The following LYZL4 variants were observed in gnomAD, a reference collection of about 807,000 sequenced individuals.
The protein encoded by LYZL4 is lysozyme like 4, also known as lysozyme-like protein 4.
A neutral mutation model predicts 17.6 loss-of-function variants in LYZL4; 13 were observed. The ratio of observed to expected loss-of-function variants is 0.74; its 90% CI spans 0.48 to 1.18. The LOEUF is 1.18. Ranked by LOEUF, LYZL4 falls within the 50% of genes most tolerant of loss-of-function variation. LYZL4 has a pLI of 0.00. For synonymous variants in LYZL4, 64 were observed against 67.7 expected (o/e 0.95, Z 0.27); for missense variants, 174 against 188.2 (o/e 0.92, Z 0.44).
At chr3:42,374,358 T>G in the LYZL4 span, among the ~76,000 whole-genome samples, 2 of 152,246 alleles carry the variant, frequency 1.3e-5, no homozygotes, top group Non-Finnish European at 2.9e-5. Context: ...GGTGACATAG[T>G]TGAAATGGAT....
downstream of LYZL4, among the ~76,000 whole-genome samples, chr3:42,392,305 G>T (rs1406253754): frequency 1.3e-5 from 2 of 152,200 alleles, no homozygotes. Flanking sequence ...TGGGGATGGG[G>T]CTGCAGATGG....
chr3:42,374,889 C>T, the LYZL4 span, among the ~76,000 whole-genome samples: 1 of 152,090 alleles, frequency 6.6e-6, no homozygotes, highest in African/African-American at 2.4e-5. Flanking sequence ...GTGGCATGAT[C>T]ACAGCCCACT....
At chr3:42,410,249 C>T (rs1410574402) in intron 1 of LYZL4, among the ~76,000 whole-genome samples, 168 bp downstream of exon 1, 1 of 152,192 alleles carries the variant, frequency 6.6e-6, no homozygotes, top group Non-Finnish European at 1.5e-5. Context: ...GAACCTAATA[C>T]AGAGTAGGTG....
At chr3:42,372,206 T>A in the LYZL4 span, among the ~76,000 whole-genome samples, 1 of 152,176 alleles carries the variant, frequency 6.6e-6, no homozygotes, top group South Asian at 2.1e-4. Flanking sequence ...TGTGATGGGA[T>A]AGGAAAGACT....
the LYZL4 span, among the ~76,000 whole-genome samples, chr3:42,362,808 G>A: frequency 1.1e-4 from 16 of 152,210 alleles, no homozygotes; most frequent in Admixed American, 1.0e-3. Flanking sequence ...CACTGCCAAA[G>A]TATCACCCCA....
the LYZL4 span, among the ~76,000 whole-genome samples, chr3:42,377,623 C>CTG: frequency 2.4e-3 from 221 of 92,604 alleles, no homozygotes; most frequent in African/African-American, 9.8e-3. Flanking sequence ...ATGCATGACT[C>CTG]TCTGTGTGTG....
At chr3:42,361,871 A>G in the LYZL4 span, among the ~76,000 whole-genome samples, 1 of 152,312 alleles carries the variant, frequency 6.6e-6, no homozygotes, top group African/African-American at 2.4e-5. Context: ...CTCCCACACC[A>G]GAGTGGTGCA....
At chr3:42,365,719 G>A in the LYZL4 span, among the ~76,000 whole-genome samples, 91 of 152,272 alleles carry the variant, frequency 6.0e-4, no homozygotes, top group African/African-American at 2.1e-3. Flanking sequence ...TACTACAGGG[G>A]AATGGAGAAT....
intron 3 of LYZL4, 128 bp downstream of exon 3, chr3:42,406,718 C>T: frequency 8.3e-7 from 1 of 1,198,120 alleles, no homozygotes; most frequent in Non-Finnish European, 1.2e-6. Context: ...GGGACCCACC[C>T]TGGATATGGC....
At chr3:42,384,991 A>C in the LYZL4 span, among the ~76,000 whole-genome samples, 3 of 152,224 alleles carry the variant, frequency 2.0e-5, no homozygotes, top group Non-Finnish European at 4.4e-5. Flanking sequence ...GAGAAAAATG[A>C]AGGAGTGTTG....
intron 1 of LYZL4, among the ~76,000 whole-genome samples, chr3:42,408,540 T>A (rs1242368111): frequency 4.6e-5 from 7 of 152,208 alleles, no homozygotes; most frequent in African/African-American, 1.7e-4. Context: ...TGAGCCCCTA[T>A]TGCTCTCAGA....
chr3:42,395,795 C>A (rs187232229), downstream of LYZL4, among the ~76,000 whole-genome samples: 2 of 152,112 alleles, frequency 1.3e-5, no homozygotes, highest in Non-Finnish European at 2.9e-5. Context: ...TGGCCAAGAT[C>A]GGTGGCTCAC....
the LYZL4 span, among the ~76,000 whole-genome samples, chr3:42,373,793 G>A: frequency 6.6e-6 from 1 of 152,168 alleles, no homozygotes; most frequent in Non-Finnish European, 1.5e-5. Flanking sequence ...GATGCCTTAA[G>A]CTGTTAAAGT....
intron 3 of LYZL4, 97 bp from the exon 4 acceptor site, chr3:42,404,221 T>G: frequency 3.1e-6 from 2 of 635,608 alleles, no homozygotes; most frequent in South Asian, 4.8e-5. Context: ...TCAGAGAGTC[T>G]TCCAGTGAAT....
the LYZL4 span, among the ~76,000 whole-genome samples, chr3:42,364,023 A>T: frequency 1.3e-5 from 2 of 152,190 alleles, no homozygotes; most frequent in African/African-American, 4.8e-5. Context: ...TCTTGGTAGA[A>T]CACCTTGTGA....
At chr3:42,383,164 G>C in the LYZL4 span, among the ~76,000 whole-genome samples, 1 of 152,116 alleles carries the variant, frequency 6.6e-6, no homozygotes, top group Non-Finnish European at 1.5e-5. Flanking sequence ...GTATTATACT[G>C]AAAACAAGAG....
the LYZL4 span, among the ~76,000 whole-genome samples, chr3:42,365,629 G>A: frequency 2.0e-5 from 3 of 152,146 alleles, no homozygotes; most frequent in Middle Eastern, 3.2e-3. Flanking sequence ...AGCAAGTCAC[G>A]TAGCTAGGTG....
At chr3:42,403,351 G>T (rs1698691219) in intron 4 of LYZL4, among the ~76,000 whole-genome samples, 1 of 151,842 alleles carries the variant, frequency 6.6e-6, no homozygotes, top group East Asian at 1.9e-4. Flanking sequence ...CCTCTGCCTT[G>T]TGTGTTCAAG....
downstream of LYZL4, among the ~76,000 whole-genome samples, chr3:42,394,000 C>T (rs1698520722): frequency 6.6e-6 from 1 of 152,134 alleles, no homozygotes; most frequent in African/African-American, 2.4e-5. Context: ...GCCATGTTGG[C>T]CAGGCTGGTC....
Sources: allele counts gnomAD v4.1 joint callset (sites outside exome capture counted in the v4.1 genomes callset), GRCh38; gene constraint gnomAD v4.1.1; transcripts MANE v1.5; gene names NCBI Gene and HGNC (gene_info 2026-07-23, HGNC 2026-07-21).